Variants in P3H2 observed in about 807,000 individuals in gnomAD.
P3H2 encodes prolyl 3-hydroxylase 2.
P3H2 carries 80 observed loss-of-function variants against 87.0 expected under a neutral mutation model. The ratio of observed to expected loss-of-function variants is 0.92; its 90% CI spans 0.77 to 1.11. P3H2 has a LOEUF of 1.11. P3H2 is among the 50% of genes least tolerant of loss of function. The probability of loss-of-function intolerance (pLI) is 0.00; values close to 1 mark genes in which losing one functional copy is unlikely to be tolerated. For missense variants in P3H2, 1,001 were observed against 923.9 expected (o/e 1.08, Z -1.08); for synonymous variants, 367 against 359.3 (o/e 1.02, Z -0.24).
rs769955962 is a variant in P3H2 at position 189,983,060 on chromosome 3, C to G, written c.1310G>C (p.Arg437Pro). The change falls in exon 8 of 15, where the codon CGA (arginine) becomes CCA (proline). Residue 437 changes from arginine to proline, a missense_variant. By Grantham distance (103) the Arg-to-Pro change is moderately radical. Coordinates refer to ENST00000319332, the MANE Select transcript of P3H2 (RefSeq NM_018192.4). ...MGKKLSPKIDRDLREGGPLLY... is the reference protein window; with the variant it reads ...MGKKLSPKIDPDLREGGPLLY... The stretch of plus-strand genomic sequence containing the variant: ...CAGCTACTTACCTTCTCTTAGGTCT[C>G]GATCTATCTTGGGTGATAGCTTTTT... 1.2e-6 allele frequency: 2 copies of G among 1,613,386 alleles called. No individual in the cohort carries two copies. Among genetic ancestry groups the G allele is most frequent in the Non-Finnish European group, 1.7e-6 (2 of 1,179,384 alleles).
rs1168802425 is a variant in P3H2, at chr3:190,036,499, TC to T, written c.481-41058del. 2.1e-4 allele frequency among the ~76,000 whole-genome samples: 6 copies of T among 28,936 alleles called. No homozygotes were observed. The East Asian group carries it at 8.1e-3, about 39-fold the overall frequency. The allele number at this position is 28,936 out of a possible 152,430, so 19.0% of individuals were successfully genotyped here. On this transcript the variant is annotated intron_variant, in intron 1 of 14. Coordinates refer to ENST00000319332, the MANE Select transcript of P3H2 (RefSeq NM_018192.4). Reference sequence around the variant, plus strand: ...TTTATAGTCGACATGATAATTTCATTCTTAACGTAATCTTGTGAGATTATTA... The same window carrying T: ...TTTATAGTCGACATGATAATTTCATTTTAACGTAATCTTGTGAGATTATTA...
intron 1 of P3H2, among the ~76,000 whole-genome samples, chr3:190,037,456 C>G (rs1033915904): frequency 1.3e-5 from 2 of 152,082 alleles, no homozygotes; most frequent in African/African-American, 4.8e-5. Context: ...AATCATTGCT[C>G]TGGATAGAGT....
intron 6 of P3H2, among the ~76,000 whole-genome samples, chr3:189,985,413 C>T (rs182754869): frequency 1.5e-3 from 221 of 151,390 alleles, no homozygotes; most frequent in African/African-American, 4.9e-3. Flanking sequence ...TATTTCTTAT[C>T]GCTGATAAAT....
rs1202147998 is a variant in P3H2, at chr3:189,956,736, A to G, written c.*1176T>C. ...AAAATAAATGCCAGATATTAAAATA[A>G]GCCTCCCTTTATTAAACAAATCAGA... On this transcript the variant is annotated 3_prime_UTR_variant, in exon 15 of 15. Transcript: ENST00000319332. The G allele has an allele frequency of 1.7e-5, 3 of 171,670 alleles. No individual in the cohort carries two copies. The Admixed American group carries it at 1.9e-4, about 11-fold the overall frequency. 10.6% of individuals were successfully genotyped at this position (171,670 alleles called of 1,614,324 possible). A position where few individuals can be genotyped will look rare whatever the true frequency, so the allele number is the denominator to read the frequency against.
At chr3:189,974,465 T>G in intron 9 of P3H2, 93 bp downstream of exon 9, 1 of 1,525,670 alleles carries the variant, frequency 6.6e-7, no homozygotes, top group Non-Finnish European at 9.0e-7. Flanking sequence ...TTTCAGGGCT[T>G]GTTGTCTGGC....
At chr3:189,968,710 A>T (rs1279504490) in intron 13 of P3H2, among the ~76,000 whole-genome samples, 1 of 152,206 alleles carries the variant, frequency 6.6e-6, no homozygotes, top group Non-Finnish European at 1.5e-5. Flanking sequence ...CACTCCCACC[A>T]ACAGTATAAA....
chr3:190,118,065 T>C (rs1712366684), intron 1 of P3H2, among the ~76,000 whole-genome samples: 1 of 152,164 alleles, frequency 6.6e-6, no homozygotes, highest in Non-Finnish European at 1.5e-5. Flanking sequence ...GTTCCTGTAA[T>C]CAATTCACCA....
At chr3:189,966,123 A>AAAAGAAAGAAAGAAAGAAAG (rs34608513) in intron 13 of P3H2, among the ~76,000 whole-genome samples, 24 of 102,192 alleles carry the variant, frequency 2.3e-4, no homozygotes, top group Admixed American at 6.1e-4. Flanking sequence ...GAAAGAAAGA[A>AAAAGAAAGAAAGAAAGAAAG]AAAGAAAGAA....
At position 190,076,181 on chromosome 3, in the gene P3H2, GCA is replaced by G. The variant is rs137859647; in HGVS notation, c.480+44069_480+44070del. On this transcript the variant is annotated intron_variant, in intron 1 of 14. Coordinates refer to ENST00000319332, the MANE Select transcript of P3H2 (RefSeq NM_018192.4). ...AAAAAAAAAACCACCAAACACACAT[GCA>G]CACACACACACACATACACACACAC... Among the ~76,000 whole-genome samples, 377 of 148,412 alleles carry G rather than the reference GCA, an allele frequency of 2.5e-3. 1 individual carries two copies. The highest frequency in any genetic ancestry group is 0.011 in the South Asian group (52 of 4,702).
intron 1 of P3H2, among the ~76,000 whole-genome samples, chr3:190,024,406 G>A (rs1011091806): frequency 3.3e-5 from 5 of 151,502 alleles, no homozygotes; most frequent in African/African-American, 4.8e-5. Context: ...AGCCAGGCGC[G>A]GTGGCGCATG....
In P3H2 at chr3:189,963,998, A is replaced by G. The variant is rs1281489447; in HGVS notation, c.1994T>C (p.Val665Ala). 1 of 1,614,168 alleles carries G rather than the reference A, an allele frequency of 6.2e-7. No homozygotes were observed. Among genetic ancestry groups the G allele is most frequent in the East Asian group, 2.2e-5 (1 of 44,878 alleles). Reference protein sequence around the residue: ...KAVTKGKRCAVALWFTLDPLY... With the variant: ...KAVTKGKRCAAALWFTLDPLY... ...TGGGTCCAAGGTGAACCACAGAGCC[A>G]CAGCACACCTCTTTCCCTTGGTGAC... Residue 665 changes from valine to alanine, a missense_variant, in exon 14 of 15, where the codon GTG becomes GCG. Coordinates refer to ENST00000319332, the MANE Select transcript of P3H2 (RefSeq NM_018192.4).
intron 1 of P3H2, among the ~76,000 whole-genome samples, chr3:190,100,824 T>G (rs1004667315): frequency 1.3e-5 from 2 of 152,146 alleles, no homozygotes; most frequent in African/African-American, 4.8e-5. Flanking sequence ...TGATTGTGCT[T>G]CATTTTATTG....
chr3:189,961,806 T>G (rs1235446426), intron 14 of P3H2, among the ~76,000 whole-genome samples: 1 of 152,370 alleles, frequency 6.6e-6, no homozygotes, highest in East Asian at 1.9e-4. Context: ...CGTTGATGTT[T>G]CCTATTACAA....
At position 190,077,281 on chromosome 3, in the gene P3H2, TTC is replaced by T. The variant is rs1577312010; in HGVS notation, c.480+42969_480+42970del. Among the ~76,000 whole-genome samples the T allele has an allele frequency of 2.0e-5, 3 of 152,328 alleles. No homozygotes were observed. In the East Asian group the frequency reaches 5.8e-4, roughly 29 times the overall value. ...CTGCCTAGTCATCTGTAGCAATTGG[TTC>T]TTTTTCATGGCTGTGCTCTTGTCTT... On this transcript the variant is annotated intron_variant, in intron 1 of 14. Coordinates refer to ENST00000319332, the MANE Select transcript of P3H2 (RefSeq NM_018192.4).
At chr3:190,024,280 T>C (rs535465416) in intron 1 of P3H2, among the ~76,000 whole-genome samples, 2 of 152,146 alleles carry the variant, frequency 1.3e-5, no homozygotes, top group African/African-American at 4.8e-5. Flanking sequence ...GGCTCACACC[T>C]GTAATCCCAG....
chr3:189,957,070 G>C lies in P3H2; in HGVS notation c.*842C>G. 1 of 398,592 alleles carries C rather than the reference G, an allele frequency of 2.5e-6. No individual in the cohort carries two copies. Among genetic ancestry groups the C allele is most frequent in the Non-Finnish European group, 4.4e-6 (1 of 226,112 alleles). The allele number at this position is 398,592 out of a possible 1,614,324, so 24.7% of individuals were successfully genotyped here. A position where few individuals can be genotyped will look rare whatever the true frequency, so the allele number is the denominator to read the frequency against. On this transcript the variant is annotated 3_prime_UTR_variant, in exon 15 of 15. Transcript: ENST00000319332. ...TGTGGAGGGTGAATCAAAGCTTCCAGTGTAAGTTTATTGTCTGGCGAAAAC... is the reference window on the plus strand; with the variant it reads ...TGTGGAGGGTGAATCAAAGCTTCCACTGTAAGTTTATTGTCTGGCGAAAAC...
chr3:190,098,040 TA>T (rs1434804342), intron 1 of P3H2, among the ~76,000 whole-genome samples: 3 of 152,134 alleles, frequency 2.0e-5, no homozygotes, highest in East Asian at 1.9e-4. Flanking sequence ...TGGTGAAAAA[TA>T]AAAAAACATT....
intron 1 of P3H2, among the ~76,000 whole-genome samples, chr3:190,086,588 T>C (rs1445980183): frequency 6.6e-6 from 1 of 152,184 alleles, no homozygotes; most frequent in Non-Finnish European, 1.5e-5. Flanking sequence ...AGTTTCAGCA[T>C]ACAGATTTCT....
At chr3:189,986,721 G>T in intron 6 of P3H2, 67 bp downstream of exon 6, 1 of 1,152,742 alleles carries the variant, frequency 8.7e-7, no homozygotes, top group Non-Finnish European at 1.3e-6. Context: ...ATGGAGGCAG[G>T]TAATAAAAAC....
Sources: gnomAD v4.1 joint callset for allele counts (sites outside exome capture counted in the v4.1 genomes callset) on GRCh38, gnomAD v4.1.1 for gene constraint, MANE v1.5 for transcripts, NCBI Gene and HGNC (gene_info 2026-07-23, HGNC 2026-07-21) for gene names.